Variants in TTYH1 observed in about 807,000 individuals in gnomAD.
TTYH1 encodes the protein protein tweety homolog 1.
TTYH1 carries 33 observed loss-of-function variants against 61.2 expected under a neutral mutation model. That is an observed-to-expected ratio of 0.54 (90% confidence interval 0.41 to 0.72). The LOEUF is 0.72. TTYH1 is among the 30% of genes least tolerant of loss of function. The pLI, the probability that TTYH1 is intolerant of heterozygous loss-of-function variation, is 0.00. For missense variants in TTYH1, 538 were observed against 575.8 expected, an observed-to-expected ratio of 0.93 and a Z score of 0.67; for synonymous variants, 308 against 266.4, an observed-to-expected ratio of 1.16 and a Z score of -1.52.
chr19:54,430,860 G>T lies in TTYH1; in HGVS notation c.987G>T (p.Leu329=). ...QRALANIHSQ[L]LGLEREAVPQ... Reference sequence around the variant, plus strand: ...CTCTGGCCAACATCCACTCCCAGCTGCTGGGCCTGGAGCGAGAAGCTGTGC... The same window carrying T: ...CTCTGGCCAACATCCACTCCCAGCTTCTGGGCCTGGAGCGAGAAGCTGTGC... The change falls in exon 9 of 14, where the codon CTG becomes CTT. Residue 329 remains leucine (L), a synonymous_variant. Coordinates refer to ENST00000376530, the MANE Select transcript of TTYH1 (RefSeq NM_020659.4). 1 of 1,613,812 alleles carries T rather than the reference G, an allele frequency of 6.2e-7. No homozygotes were observed. The highest frequency in any genetic ancestry group is 8.5e-7 in the Non-Finnish European group (1 of 1,180,004).
At chr19:54,426,969 G>C (rs2083332862) in intron 5 of TTYH1, among the ~76,000 whole-genome samples, 1 of 152,094 alleles carries the variant, frequency 6.6e-6, no homozygotes, top group South Asian at 2.1e-4. Flanking sequence ...AAGTATGCTG[G>C]AATCATGGCA....
rs111506381 is a variant in TTYH1, at chr19:54,416,892, C to T, written c.126+1214C>T. ...GGCCCGGAGACCTCCCGAAGCCGCA[C>T]GCGGGGATCCGCGGCCCCAGTCACC... On this transcript the variant is annotated intron_variant, in intron 1 of 13. Transcript: ENST00000376530. This position sits in a 1 kb window ranked among gnomAD's most constrained non-coding sequence, Gnocchi z 7.0. 4.7e-6 allele frequency: 6 copies of T among 1,287,326 alleles called. No individual in the cohort carries two copies. Among genetic ancestry groups the T allele is most frequent in the East Asian group, 5.6e-5 (1 of 17,740 alleles). The allele number at this position is 1,287,326 out of a possible 1,614,324, so 79.7% of individuals were successfully genotyped here.
chr19:54,428,248 CCTGT>C (rs1242891276), intron 5 of TTYH1, among the ~76,000 whole-genome samples: 7 of 151,894 alleles, frequency 4.6e-5, no homozygotes, highest in African/African-American at 9.7e-5. Context: ...TGCCACCAAA[CCTGT>C]CTAATTTTGT....
intron 10 of TTYH1, chr19:54,432,996 T>C (rs951652161): frequency 6.6e-6 from 1 of 152,196 alleles, no homozygotes; most frequent in African/African-American, 2.4e-5. Flanking sequence ...ATGCTCAGAA[T>C]TGCTGACTAT....
Position 54,436,535 on chromosome 19 carries a change from G to T in TTYH1, c.*245G>T. Reference sequence around the variant, plus strand: ...GGCAGGGGAGGGGGCAGACAGCCTCGCCTCGCACCCTTCATCCCTGGCTGC... The same window carrying T: ...GGCAGGGGAGGGGGCAGACAGCCTCTCCTCGCACCCTTCATCCCTGGCTGC... On this transcript the variant is annotated 3_prime_UTR_variant, in exon 14 of 14. Transcript: ENST00000376530. This position sits in a 1 kb window ranked among gnomAD's most constrained non-coding sequence, Gnocchi z 4.3. The T allele has an allele frequency of 1.4e-6, 1 of 726,202 alleles. No homozygotes were observed. The highest frequency in any genetic ancestry group is 2.3e-6 in the Non-Finnish European group (1 of 428,154). 45.0% of individuals were successfully genotyped at this position (726,202 alleles called of 1,614,324 possible).
chr19:54,427,992 CCT>C (rs1294655312), intron 5 of TTYH1, among the ~76,000 whole-genome samples: 6 of 151,884 alleles, frequency 4.0e-5, no homozygotes, highest in African/African-American at 1.2e-4. Context: ...CTCACTACAG[CCT>C]CTGTCCCCTG....
chr19:54,424,929 G>A (rs537121171), intron 4 of TTYH1, among the ~76,000 whole-genome samples: 1 of 152,136 alleles, frequency 6.6e-6, no homozygotes, highest in African/African-American at 2.4e-5. Flanking sequence ...CAAGATCGTG[G>A]TGGCCACTTC....
intron 7 of TTYH1, 82 bp from the exon 8 acceptor site, chr19:54,430,467 AC>A: frequency 4.7e-6 from 7 of 1,483,532 alleles, no homozygotes; most frequent in South Asian, 2.3e-5. Flanking sequence ...AACCCTGCTA[AC>A]CCCCCAGTGC....
rs1451708526 is a variant in TTYH1, at chr19:54,415,567, G to A, written c.15G>A (p.Pro5=). Residue 5 remains proline (P), a synonymous_variant, in exon 1 of 14, where the codon CCG becomes CCA. Transcript: ENST00000376530. The surrounding 1 kb of genome is among the most constrained non-coding windows in gnomAD (Gnocchi z 5.2). MGAP[P]GYRPSAWVHL... is the part of the protein sequence containing the mutation. ...CCCCGGGGGCCATGGGGGCGCCCCC[G>A]GGCTACCGGCCCTCAGCTTGGGTGC... The A allele has an allele frequency of 9.4e-6, 14 of 1,485,598 alleles. No homozygotes were observed. Among genetic ancestry groups the A allele is most frequent in the African/African-American group, 1.5e-5 (1 of 68,800 alleles). 92.0% of individuals were successfully genotyped at this position (1,485,598 alleles called of 1,614,324 possible).
rs945233684 is a variant in TTYH1, at chr19:54,430,048, T to C, written c.883+91T>C. ...CCTCTGTGCCCGGTCCTGCCCAGGG[T>C]GGGGTGGGGGTGCAGCCTGCCAGGC... On this transcript the variant is annotated intron_variant, in intron 7 of 13. Coordinates refer to ENST00000376530, the MANE Select transcript of TTYH1 (RefSeq NM_020659.4). 20 of 1,203,804 alleles carry C rather than the reference T, an allele frequency of 1.7e-5. No homozygotes were observed. In the Admixed American group the frequency reaches 2.0e-4, roughly 12 times the overall value. 74.6% of individuals were successfully genotyped at this position (1,203,804 alleles called of 1,614,324 possible). A position where few individuals can be genotyped will look rare whatever the true frequency, so the allele number is the denominator to read the frequency against.
chr19:54,436,626 C>CGGAT lies in TTYH1; in HGVS notation c.*336_*337insGGAT. 1.7e-6 allele frequency: 1 copy of CGGAT among 577,136 alleles called. No homozygotes were observed. Among genetic ancestry groups the CGGAT allele is most frequent in the Non-Finnish European group, 3.1e-6 (1 of 322,044 alleles). 35.8% of individuals were successfully genotyped at this position (577,136 alleles called of 1,614,324 possible). A position where few individuals can be genotyped will look rare whatever the true frequency, so the allele number is the denominator to read the frequency against. On this transcript the variant is annotated 3_prime_UTR_variant, in exon 14 of 14. Coordinates refer to ENST00000376530, the MANE Select transcript of TTYH1 (RefSeq NM_020659.4). This position sits in a 1 kb window ranked among gnomAD's most constrained non-coding sequence, Gnocchi z 4.3. ...ATGAGTCCCCCTGCTGCCCCTGCCA[C>CGGAT]ATCCCAGTGGGCTCTGACCCCCTGA...
intron 4 of TTYH1, among the ~76,000 whole-genome samples, chr19:54,426,148 A>G (rs2083315810): frequency 6.6e-6 from 1 of 151,760 alleles, no homozygotes; most frequent in Non-Finnish European, 1.5e-5. Flanking sequence ...TTCTCAAGCC[A>G]GTGTTGTTGT....
In TTYH1 at chr19:54,430,958, G is replaced by C. The variant is rs2083428271; in HGVS notation, c.1032+53G>C. On this transcript the variant is annotated intron_variant, in intron 9 of 13. Coordinates refer to ENST00000376530, the MANE Select transcript of TTYH1 (RefSeq NM_020659.4). ...GCGGACCCCACGGGGAAGGCGGACG[G>C]GGCGGGATGGAGCTGTGGGGCGTAG... 1.9e-6 allele frequency: 3 copies of C among 1,590,792 alleles called. No homozygotes were observed. The Admixed American group carries it at 5.0e-5, about 27-fold the overall frequency.
chr19:54,417,300 C>A (rs2083105022), intron 1 of TTYH1, among the ~76,000 whole-genome samples: 1 of 149,862 alleles, frequency 6.7e-6, no homozygotes, highest in South Asian at 2.2e-4. Context: ...TACACACTCA[C>A]ATGCACACTC....
At chr19:54,430,686 G>T in intron 8 of TTYH1, 81 bp downstream of exon 8, 1 of 1,564,564 alleles carries the variant, frequency 6.4e-7, no homozygotes, top group South Asian at 1.1e-5. Context: ...GGCTGGGGCT[G>T]GGGCCTGGAC....
At position 54,419,302 on chromosome 19, in the gene TTYH1, G is replaced by A. The variant is rs373670702; in HGVS notation, c.301G>A (p.Gly101Ser). ...GAGCTGCATTGTCGCCCTTCTCGCCGGCTGGTAATGGGGCCCCAGGGTGGG... is the reference window on the plus strand; with the variant it reads ...GAGCTGCATTGTCGCCCTTCTCGCCAGCTGGTAATGGGGCCCCAGGGTGGG... ...TWSCIVALLA[G>S]CTGIGIGFYG... The change falls in exon 2 of 14, where the codon GGC becomes AGC. Residue 101 changes from glycine to serine, a missense_variant. By Grantham distance (56) the Gly-to-Ser change is moderately conservative (BLOSUM62 0). Coordinates refer to ENST00000376530, the MANE Select transcript of TTYH1 (RefSeq NM_020659.4). The surrounding 1 kb of genome is among the most constrained non-coding windows in gnomAD (Gnocchi z 6.1). The A allele has an allele frequency of 4.4e-5, 71 of 1,597,190 alleles. 1 individual carries two copies. The highest frequency in any genetic ancestry group is 3.6e-4 in the African/African-American group (27 of 74,878).
chr19:54,436,281 C>G lies in TTYH1; in HGVS notation c.*43-52C>G, dbSNP rs201872566. 2.5e-6 allele frequency: 4 copies of G among 1,612,382 alleles called. No individual in the cohort carries two copies. Among genetic ancestry groups the G allele is most frequent in the Non-Finnish European group, 1.7e-6 (2 of 1,178,602 alleles). On this transcript the variant is annotated intron_variant, in intron 13 of 13. Coordinates refer to ENST00000376530, the MANE Select transcript of TTYH1 (RefSeq NM_020659.4). This position sits in a 1 kb window ranked among gnomAD's most constrained non-coding sequence, Gnocchi z 4.3. ...GTGCCTCCTGCTGGGTGGATCGCAC[C>G]GGGCAGGCCCTCCAGCCTGCATCAC...
At chr19:54,417,698 C>T (rs1012923684) in intron 1 of TTYH1, among the ~76,000 whole-genome samples, 11 of 151,008 alleles carry the variant, frequency 7.3e-5, no homozygotes, top group East Asian at 3.9e-4. Context: ...CACACACACA[C>T]GTACATTCCA....
Position 54,419,490 on chromosome 19 carries a change from T to C in TTYH1, c.305+184T>C, listed in dbSNP as rs1375718349. 8.1e-6 allele frequency: 6 copies of C among 741,482 alleles called. No individual in the cohort carries two copies. The highest frequency in any genetic ancestry group is 4.5e-4 in the Middle Eastern group (2 of 4,460). The allele number at this position is 741,482 out of a possible 1,614,324, so 45.9% of individuals were successfully genotyped here. A position where few individuals can be genotyped will look rare whatever the true frequency, so the allele number is the denominator to read the frequency against. On this transcript the variant is annotated intron_variant, in intron 2 of 13. Coordinates refer to ENST00000376530, the MANE Select transcript of TTYH1 (RefSeq NM_020659.4). The surrounding 1 kb of genome is among the most constrained non-coding windows in gnomAD (Gnocchi z 6.1). Reference sequence around the variant, plus strand: ...CAGCAGGAAGGACTGTCCCATTTGATGGATGGAGAAAGTGAGGCTCTGGAG... The same window carrying C: ...CAGCAGGAAGGACTGTCCCATTTGACGGATGGAGAAAGTGAGGCTCTGGAG...
Sources: gnomAD v4.1 joint callset for allele counts (sites outside exome capture counted in the v4.1 genomes callset) on GRCh38, gnomAD v4.1.1 for gene constraint, Gnocchi (gnomAD v3.1) non-coding constraint, MANE v1.5 for transcripts, NCBI Gene and HGNC (gene_info 2026-07-23, HGNC 2026-07-21) for gene names.